Variants in WDR27 observed in about 807,000 individuals in gnomAD.
WDR27 encodes the protein WD repeat domain 27, also known as WD repeat-containing protein 27.
Under a neutral mutation model 114.4 loss-of-function variants are expected in WDR27, and 100 were observed. The ratio of observed to expected loss-of-function variants is 0.87; its 90% confidence interval spans 0.74 to 1.03. WDR27 has a LOEUF of 1.03. WDR27 is among the 50% of genes least tolerant of loss of function. The probability of loss-of-function intolerance (pLI) is 0.00; values close to 1 mark genes in which losing one functional copy is unlikely to be tolerated. For synonymous variants in WDR27, 449 were observed against 423.1 expected (o/e 1.06, Z -0.75); for missense variants, 1,129 against 1,092.9 (o/e 1.03, Z -0.47).
In WDR27 at chr6:169,457,280, A is replaced by T. The variant is rs1784399009; in HGVS notation, c.*312T>A. On this transcript the variant is annotated 3_prime_UTR_variant, in exon 26 of 26. Coordinates refer to ENST00000448612, the MANE Select transcript of WDR27 (RefSeq NM_182552.5). ...CTTTTTTCTTCCAACTCTAATTATC[A>T]AACAAATACTATATTATGTTTTATT... 1 of 232,932 alleles carries T rather than the reference A, an allele frequency of 4.3e-6. No individual in the cohort carries two copies. Among genetic ancestry groups the T allele is most frequent in the South Asian group, 1.1e-4 (1 of 9,012 alleles). The allele number at this position is 232,932 out of a possible 1,614,324, so 14.4% of individuals were successfully genotyped here.
At chr6:169,664,811 C>T (rs1827316422) in intron 7 of WDR27, 1 of 995,746 alleles carries the variant, frequency 1.0e-6, no homozygotes, top group Non-Finnish European at 1.2e-6. Flanking sequence ...TCAGGTTTTT[C>T]AACAGTGTGT....
chr6:169,667,284 C>T, intron 5 of WDR27, 97 bp from the exon 6 acceptor site: 3 of 1,292,152 alleles, frequency 2.3e-6, no homozygotes, highest in South Asian at 2.9e-5. Flanking sequence ...GATTAGTCAA[C>T]ACAAATGGTT....
intron 25 of WDR27, among the ~76,000 whole-genome samples, chr6:169,476,321 A>G (rs1006819850): frequency 9.9e-5 from 15 of 152,206 alleles, no homozygotes; most frequent in African/African-American, 3.1e-4. Flanking sequence ...TTGCTCTCCC[A>G]GGGTCGATTG....
At chr6:169,617,276 A>G (rs940133711) in intron 21 of WDR27, among the ~76,000 whole-genome samples, 21 of 152,202 alleles carry the variant, frequency 1.4e-4, no homozygotes, top group African/African-American at 5.1e-4. Flanking sequence ...CAGATTTTAT[A>G]GGCAAGCTTG....
rs571912378 is a variant in WDR27, at chr6:169,556,596, C to G, written c.2645+15823G>C. ...TTCTTAGGCCACAGAAAGCATTAAG[C>G]AAATCTAATTTTAATTAAAAACTAG... On this transcript the variant is annotated intron_variant, in intron 25 of 25. Transcript: ENST00000448612. Among the ~76,000 whole-genome samples the G allele has an allele frequency of 1.1e-3, 160 of 152,258 alleles. 1 individual carries two copies. Among genetic ancestry groups the G allele is most frequent in the Admixed American group, 1.8e-3 (28 of 15,300 alleles).
chr6:169,687,473 ATG>A (rs1783310524), intron 2 of WDR27, among the ~76,000 whole-genome samples: 1 of 152,306 alleles, frequency 6.6e-6, no homozygotes, highest in South Asian at 2.1e-4. Flanking sequence ...TGGCCAATAA[ATG>A]TGCTAAACCT....
At chr6:169,519,877 C>G (rs898475818) in intron 25 of WDR27, among the ~76,000 whole-genome samples, 7 of 152,060 alleles carry the variant, frequency 4.6e-5, no homozygotes, top group Non-Finnish European at 1.0e-4. Flanking sequence ...TGGTTTTCCC[C>G]CATCTTCTTG....
intron 25 of WDR27, among the ~76,000 whole-genome samples, chr6:169,543,712 A>G (rs1005387549): frequency 5.3e-5 from 8 of 152,248 alleles, no homozygotes; most frequent in South Asian, 2.1e-4. Flanking sequence ...ATTTCAGATA[A>G]TTTGAATATT....
At chr6:169,482,799 C>A (rs899557710) in intron 25 of WDR27, among the ~76,000 whole-genome samples, 1 of 152,148 alleles carries the variant, frequency 6.6e-6, no homozygotes, top group African/African-American at 2.4e-5. Context: ...AAATAATTCT[C>A]AACAAATGCA....
intron 13 of WDR27, among the ~76,000 whole-genome samples, chr6:169,653,122 G>A (rs1823052226): frequency 6.6e-6 from 1 of 152,220 alleles, no homozygotes; most frequent in Non-Finnish European, 1.5e-5. Context: ...AGGAGGCACT[G>A]CTCGCCACTC....
At chr6:169,596,043 G>GT (rs1488774455) in intron 23 of WDR27, among the ~76,000 whole-genome samples, 1 of 151,790 alleles carries the variant, frequency 6.6e-6, no homozygotes, top group Non-Finnish European at 1.5e-5. Context: ...CCACAAAGGT[G>GT]TTTTTTTGTT....
chr6:169,668,865 T>C (rs1443480946), intron 4 of WDR27: 1 of 152,254 alleles, frequency 6.6e-6, no homozygotes, highest in Admixed American at 6.5e-5. Flanking sequence ...GACATTTAAC[T>C]CTGGAAGACT....
At chr6:169,471,355 C>T (rs1228327082) in intron 25 of WDR27, among the ~76,000 whole-genome samples, 1 of 151,986 alleles carries the variant, frequency 6.6e-6, no homozygotes, top group East Asian at 1.9e-4. Context: ...TTCTTAATTA[C>T]AAAAGAATTG....
intron 17 of WDR27, among the ~76,000 whole-genome samples, chr6:169,640,619 C>T (rs747720761): frequency 3.3e-5 from 5 of 152,198 alleles, no homozygotes; most frequent in Non-Finnish European, 7.3e-5. Context: ...CAGCGGTGTC[C>T]GCAGCTCTGC....
At chr6:169,449,424 G>A in the WDR27 span, among the ~76,000 whole-genome samples, 1 of 152,160 alleles carries the variant, frequency 6.6e-6, no homozygotes, top group African/African-American at 2.4e-5. Context: ...TGCAACGAGT[G>A]GTGTTTTCTT....
intron 22 of WDR27, among the ~76,000 whole-genome samples, chr6:169,613,117 T>C (rs1403246952): frequency 1.3e-5 from 2 of 152,168 alleles, no homozygotes; most frequent in East Asian, 3.9e-4. Context: ...TACTTAATGA[T>C]AGTATATCTA....
intron 25 of WDR27, among the ~76,000 whole-genome samples, chr6:169,512,731 G>C (rs567043968): frequency 6.6e-6 from 1 of 152,300 alleles, no homozygotes; most frequent in Admixed American, 6.5e-5. Context: ...TTAGATAGTA[G>C]AGGTAATGGC....
chr6:169,542,241 T>G (rs77336201), intron 25 of WDR27, among the ~76,000 whole-genome samples: 11,835 of 152,196 alleles, frequency 0.078, 809 homozygotes, highest in South Asian at 0.28. Context: ...TTATTAATTT[T>G]ATAAAGAAAA....
At chr6:169,477,203 T>G (rs1046574638) in intron 25 of WDR27, among the ~76,000 whole-genome samples, 2 of 152,248 alleles carry the variant, frequency 1.3e-5, no homozygotes, top group Non-Finnish European at 2.9e-5. Context: ...TTAGTCAAGA[T>G]GCATTTTAAG....
Sources: allele counts gnomAD v4.1 joint callset (sites outside exome capture counted in the v4.1 genomes callset), GRCh38; gene constraint gnomAD v4.1.1; transcripts MANE v1.5; gene names NCBI Gene and HGNC (gene_info 2026-07-23, HGNC 2026-07-21).